LRRC36: variants seen among roughly 807,000 people sequenced by gnomAD.
The protein encoded by LRRC36 is leucine-rich repeat-containing protein 36.
LRRC36 carries 62 observed loss-of-function variants against 81.1 expected under a neutral mutation model. The ratio of observed to expected loss-of-function variants is 0.76; its 90% CI spans 0.62 to 0.94. The LOEUF (loss-of-function observed/expected upper bound fraction) is 0.94. Among genes scored for constraint, LRRC36 ranks in the 40% least tolerant of loss-of-function variants. The pLI is 0.00. For missense variants in LRRC36, 761 were observed against 881.7 expected (o/e 0.86, Z 1.73); for synonymous variants, 334 against 348.6 (o/e 0.96, Z 0.47).
Position 67,363,672 on chromosome 16 carries a change from T to G in LRRC36, c.660T>G (p.Gly220=), listed in dbSNP as rs1416061477. The stretch of plus-strand genomic sequence containing the variant: ...GTACTTCTGCAACTCAGGGCAATGG[T>G]ACACGTGATCAGAAATTAGACACCT... The part of the protein sequence containing the change: ...SLSTSATQGN[G]TRDQKLDTFP... The change falls in exon 6 of 14, where the codon GGT becomes GGG. Residue 220 remains glycine, a synonymous_variant. Transcript: ENST00000329956. The G allele has an allele frequency of 1.9e-6, 3 of 1,613,952 alleles. No individual in the cohort carries two copies. The highest frequency in any genetic ancestry group is 2.5e-6 in the Non-Finnish European group (3 of 1,179,854).
chr16:67,347,332 T>C, intron 3 of LRRC36, 163 bp from the exon 4 acceptor site: 2 of 1,377,086 alleles, frequency 1.5e-6, no homozygotes, highest in Non-Finnish European at 1.9e-6. Flanking sequence ...AGTTCCTGCC[T>C]GCTCCAGTGA....
intron 1 of LRRC36, among the ~76,000 whole-genome samples, chr16:67,337,218 G>T (rs140917142): frequency 2.2e-4 from 34 of 152,220 alleles, no homozygotes; most frequent in African/African-American, 7.5e-4. Context: ...TACAAATACT[G>T]TTCAGGTCCT....
At chr16:67,331,920 G>T (rs149019840) in intron 1 of LRRC36, among the ~76,000 whole-genome samples, 5,164 of 151,684 alleles carry the variant, frequency 0.034, 138 homozygotes, top group South Asian at 0.069. Flanking sequence ...CCCTGAAGGC[G>T]GAGGTTGCAG....
intron 2 of LRRC36, among the ~76,000 whole-genome samples, chr16:67,342,646 A>G (rs1403282444): frequency 2.0e-5 from 3 of 152,222 alleles, no homozygotes; most frequent in African/African-American, 7.2e-5. Flanking sequence ...GTGGATTAGC[A>G]AACACGCACA....
At chr16:67,329,667 C>T (rs2037380022) in intron 1 of LRRC36, among the ~76,000 whole-genome samples, 1 of 152,020 alleles carries the variant, frequency 6.6e-6, no homozygotes, top group South Asian at 2.1e-4. Context: ...CCTGTAATCC[C>T]AGCACTTTGG....
intron 9 of LRRC36, among the ~76,000 whole-genome samples, chr16:67,374,781 A>AAAT (rs1189908670): frequency 6.6e-6 from 1 of 152,158 alleles, no homozygotes; most frequent in Non-Finnish European, 1.5e-5. Flanking sequence ...TCTTAGACAT[A>AAAT]AATAATATTA....
chr16:67,384,324 C>T (rs1396118551), intron 13 of LRRC36, among the ~76,000 whole-genome samples: 1 of 152,124 alleles, frequency 6.6e-6, no homozygotes, highest in African/African-American at 2.4e-5. Context: ...ATCCCAGCTA[C>T]TTGGGAGGCT....
At chr16:67,365,647 C>A (rs1390431283) in intron 7 of LRRC36, among the ~76,000 whole-genome samples, 2 of 152,054 alleles carry the variant, frequency 1.3e-5, no homozygotes, top group East Asian at 3.9e-4. Flanking sequence ...CCATTTGTTT[C>A]TCTCTACTGG....
At chr16:67,345,605 G>A (rs2038307523) in intron 2 of LRRC36, among the ~76,000 whole-genome samples, 1 of 152,154 alleles carries the variant, frequency 6.6e-6, no homozygotes, top group African/African-American at 2.4e-5. Flanking sequence ...TAAATGGGAA[G>A]CTTGCGTGGT....
intron 2 of LRRC36, 57 bp downstream of exon 2, chr16:67,342,141 A>G: frequency 1.6e-6 from 2 of 1,278,192 alleles, no homozygotes; most frequent in Non-Finnish European, 1.1e-6. Flanking sequence ...TTTGATGGGA[A>G]GAAATAAGAG....
At chr16:67,341,934 A>G (rs1445636269) in intron 1 of LRRC36, 23 bp from the exon 2 acceptor site, 2 of 1,595,112 alleles carry the variant, frequency 1.3e-6, no homozygotes. Context: ...ATCATAATAT[A>G]TCTACTGATG....
intron 8 of LRRC36, 36 bp downstream of exon 8, chr16:67,367,493 T>C (rs2039454157): frequency 1.3e-6 from 2 of 1,553,856 alleles, no homozygotes; most frequent in Non-Finnish European, 8.7e-7. Flanking sequence ...GTCTTCTTCA[T>C]AGGCATGAAG....
At chr16:67,354,346 C>T (rs1046333723) in intron 5 of LRRC36, among the ~76,000 whole-genome samples, 1 of 152,110 alleles carries the variant, frequency 6.6e-6, no homozygotes, top group African/African-American at 2.4e-5. Flanking sequence ...GGCGTCATCT[C>T]GGCTTATTGC....
intron 5 of LRRC36, among the ~76,000 whole-genome samples, chr16:67,355,524 G>A (rs1016468860): frequency 6.6e-5 from 10 of 151,004 alleles, no homozygotes; most frequent in Non-Finnish European, 1.5e-4. Flanking sequence ...ACAGGCGCCC[G>A]CCACTACGCC....
intron 5 of LRRC36, among the ~76,000 whole-genome samples, chr16:67,352,967 G>A (rs756935069): frequency 1.1e-4 from 16 of 152,036 alleles, no homozygotes; most frequent in African/African-American, 3.1e-4. Flanking sequence ...GATTATAGGC[G>A]TGAGCCACTG....
intron 2 of LRRC36, among the ~76,000 whole-genome samples, chr16:67,343,350 C>A (rs1294155632): frequency 1.3e-5 from 2 of 151,940 alleles, no homozygotes; most frequent in Non-Finnish European, 2.9e-5. Context: ...TGCTTGAGCC[C>A]AGGAGTTCAA....
chr16:67,346,111 T>G (rs558757029), intron 2 of LRRC36, 145 bp from the exon 3 acceptor site: 1 of 528,378 alleles, frequency 1.9e-6, no homozygotes, highest in African/African-American at 1.9e-5. Context: ...TCGGACAAGT[T>G]AAGTGAGAGT....
At chr16:67,337,961 G>A (rs1168114260) in intron 1 of LRRC36, among the ~76,000 whole-genome samples, 7 of 151,970 alleles carry the variant, frequency 4.6e-5, no homozygotes, top group African/African-American at 1.5e-4. Flanking sequence ...GCGTATGCCT[G>A]TAATCCCAGC....
At chr16:67,373,305 C>T (rs1290690087) in intron 9 of LRRC36, among the ~76,000 whole-genome samples, 2 of 152,072 alleles carry the variant, frequency 1.3e-5, no homozygotes, top group Admixed American at 6.6e-5. Flanking sequence ...TTATGGAAAG[C>T]TTTAAAAGAG....
Sources: gnomAD v4.1 joint callset for allele counts (sites outside exome capture counted in the v4.1 genomes callset) on GRCh38, gnomAD v4.1.1 for gene constraint, MANE v1.5 for transcripts, NCBI Gene and HGNC (gene_info 2026-07-23, HGNC 2026-07-21) for gene names.